Variants in LRRFIP2 observed in about 807,000 individuals in gnomAD.
The protein encoded by LRRFIP2 is leucine-rich repeat flightless-interacting protein 2.
LRRFIP2 carries 109 observed loss-of-function variants against 125.9 expected under a neutral mutation model. That is an observed-to-expected ratio of 0.87 (90% CI 0.74 to 1.01). The LOEUF (loss-of-function observed/expected upper bound fraction) is 1.01, where lower values mean the gene tolerates loss of function less well. LRRFIP2 is among the 50% of genes least tolerant of loss of function. LRRFIP2 has a pLI of 0.00. For synonymous variants in LRRFIP2, 291 were observed against 293.1 expected, an observed-to-expected ratio of 0.99 and a Z score of 0.07; for missense variants, 850 against 862.3, an observed-to-expected ratio of 0.99 and a Z score of 0.18.
rs138707868 is a variant in LRRFIP2, at chr3:37,120,183, G to A, written c.330+1309C>T. 3.4e-3 allele frequency among the ~76,000 whole-genome samples: 498 copies of A among 145,644 alleles called. 1 individual carries two copies. The highest frequency in any genetic ancestry group is 7.9e-3 in the Admixed American group (112 of 14,098). ...AGTGCAATGGCGAATCTTGGCTCAC[G>A]GCAACCTCCGCCTTCCAGGTTCAAG... is the stretch of plus-strand genomic sequence containing the variant. On this transcript the variant is annotated intron_variant, in intron 6 of 27. Coordinates refer to ENST00000336686, the MANE Select transcript of LRRFIP2 (RefSeq NM_006309.4).
intron 1 of LRRFIP2, among the ~76,000 whole-genome samples, chr3:37,152,483 G>T (rs1319215205): frequency 2.0e-5 from 3 of 151,606 alleles, no homozygotes; most frequent in Non-Finnish European, 4.4e-5. Flanking sequence ...GCTCTTTCTT[G>T]CCCAGGCTGG....
At chr3:37,137,509 C>T (rs1480290523) in intron 2 of LRRFIP2, among the ~76,000 whole-genome samples, 1 of 152,146 alleles carries the variant, frequency 6.6e-6, no homozygotes, top group Admixed American at 6.5e-5. Flanking sequence ...GGATTTTCAA[C>T]TTAGCACAGA....
At chr3:37,126,917 A>T (rs1216225827) in intron 4 of LRRFIP2, among the ~76,000 whole-genome samples, 1 of 152,166 alleles carries the variant, frequency 6.6e-6, no homozygotes, top group Non-Finnish European at 1.5e-5. Flanking sequence ...GCAATCAGAC[A>T]GTGGTTCTTA....
intron 9 of LRRFIP2, among the ~76,000 whole-genome samples, chr3:37,110,350 G>A (rs2094505004): frequency 6.6e-6 from 1 of 152,128 alleles, no homozygotes; most frequent in Non-Finnish European, 1.5e-5. Context: ...TACTTTTCAA[G>A]TTTTCACCAA....
intron 1 of LRRFIP2, among the ~76,000 whole-genome samples, chr3:37,165,183 C>T (rs1361381590): frequency 1.3e-5 from 2 of 149,916 alleles, no homozygotes; most frequent in Non-Finnish European, 3.0e-5. Flanking sequence ...TCCAGTGAGC[C>T]GAGACTGCAC....
In LRRFIP2 at chr3:37,113,081, A is replaced by G. The variant is rs927093258; in HGVS notation, c.373-101T>C. The stretch of plus-strand genomic sequence containing the variant: ...TTATATACACAAAGGTCTATATGAG[A>G]TACACAATAGTTTACATGCAATTTA... On this transcript the variant is annotated intron_variant, in intron 7 of 27. Coordinates refer to ENST00000336686, the MANE Select transcript of LRRFIP2 (RefSeq NM_006309.4). 3 of 618,938 alleles carry G rather than the reference A, an allele frequency of 4.8e-6. No homozygotes were observed. In the African/African-American group the frequency reaches 5.4e-5, roughly 11 times the overall value. The allele number at this position is 618,938 out of a possible 1,614,324, so 38.3% of individuals were successfully genotyped here.
At chr3:37,170,262 G>A (rs1435507711) in intron 1 of LRRFIP2, 1 of 152,166 alleles carries the variant, frequency 6.6e-6, no homozygotes, top group South Asian at 2.1e-4. Context: ...AAACAATCTT[G>A]ACCGTAATAC....
intron 4 of LRRFIP2, among the ~76,000 whole-genome samples, chr3:37,123,789 T>C (rs1253097526): frequency 6.6e-6 from 1 of 152,110 alleles, no homozygotes; most frequent in Non-Finnish European, 1.5e-5. Context: ...ATTCCATCTA[T>C]CACACAGAGC....
chr3:37,109,425 T>G (rs918243961), intron 11 of LRRFIP2, 102 bp downstream of exon 11: 1 of 1,258,610 alleles, frequency 7.9e-7, no homozygotes, highest in African/African-American at 1.5e-5. Flanking sequence ...ACTAAAATCA[T>G]GTGTCCTTAA....
At chr3:37,122,113 T>G (rs1329676178) in intron 4 of LRRFIP2, among the ~76,000 whole-genome samples, 4 of 126,456 alleles carry the variant, frequency 3.2e-5, no homozygotes, top group Non-Finnish European at 6.3e-5. Flanking sequence ...TTCCCCTTCC[T>G]GTGTCCAAGT....
chr3:37,133,069 G>A (rs2095470689), intron 2 of LRRFIP2, among the ~76,000 whole-genome samples: 1 of 151,640 alleles, frequency 6.6e-6, no homozygotes, highest in Non-Finnish European at 1.5e-5. Flanking sequence ...ACTAAAAATG[G>A]AAAAAATTAG....
At chr3:37,138,185 T>C (rs964602418) in intron 2 of LRRFIP2, among the ~76,000 whole-genome samples, 4 of 152,220 alleles carry the variant, frequency 2.6e-5, no homozygotes, top group Non-Finnish European at 4.4e-5. Flanking sequence ...TGATGCCCAA[T>C]ACCCAAAGCA....
intron 21 of LRRFIP2, 95 bp from the exon 22 acceptor site, chr3:37,066,420 A>C: frequency 1.1e-6 from 1 of 932,296 alleles, no homozygotes; most frequent in Admixed American, 1.8e-5. Context: ...AGCAAAGATA[A>C]AGGCATAAAA....
At chr3:37,171,247 C>T (rs770262443) in intron 1 of LRRFIP2, among the ~76,000 whole-genome samples, 1 of 152,178 alleles carries the variant, frequency 6.6e-6, no homozygotes, top group Non-Finnish European at 1.5e-5. Flanking sequence ...TCCTTTATAA[C>T]TCCCCCTTCT....
chr3:37,136,798 C>T lies in LRRFIP2; in HGVS notation c.91-7649G>A, dbSNP rs116185175. Among the ~76,000 whole-genome samples the T allele has an allele frequency of 9.3e-3, 1,413 of 152,208 alleles. 27 individuals carry two copies. Among genetic ancestry groups the T allele is most frequent in the African/African-American group, 0.032 (1,320 of 41,528 alleles). On this transcript the variant is annotated intron_variant, in intron 2 of 27. Transcript: ENST00000336686. ...GTAATATATCAGGATCCAATTACAACTGTACTAAATCTTACCTTTGCTCTT... is the reference window on the plus strand; with the variant it reads ...GTAATATATCAGGATCCAATTACAATTGTACTAAATCTTACCTTTGCTCTT...
In LRRFIP2 at chr3:37,121,512, G is replaced by A. The variant is rs767614941; in HGVS notation, c.310C>T (p.Arg104Ter). 16 of 1,613,996 alleles carry A rather than the reference G, an allele frequency of 9.9e-6. No individual in the cohort carries two copies. Among genetic ancestry groups the A allele is most frequent in the Admixed American group, 1.7e-5 (1 of 60,018 alleles). The stretch of plus-strand genomic sequence containing the variant: ...CCAACCCTGTGACTGCCAACACTTC[G>A]AATGGACAATGCATCCTCAACTCCC... The part of the protein sequence containing the change: ...YLGVEDALSI[R>*]SVGSHRYDMF... The change falls in exon 6 of 28, where the codon CGA (arginine) becomes TGA (stop). Residue 104 changes from arginine (R) to a stop codon, truncating the protein, a stop_gained. Transcript: ENST00000336686. LOFTEE classifies it high-confidence loss of function.
chr3:37,067,722 A>G (rs2090417978), intron 21 of LRRFIP2: 1 of 152,200 alleles, frequency 6.6e-6, no homozygotes, highest in Non-Finnish European at 1.5e-5. Flanking sequence ...ACATTATTTT[A>G]CATTTGAAAC....
intron 2 of LRRFIP2, chr3:37,134,622 C>T (rs1186530417): frequency 1.9e-5 from 11 of 588,278 alleles, no homozygotes; most frequent in Non-Finnish European, 6.7e-6. Flanking sequence ...TGAGCACATA[C>T]CGAGAGAGTG....
In LRRFIP2 at chr3:37,054,498, T is replaced by C. The variant is rs1306008602; in HGVS notation, c.1968A>G (p.Gly656=). 1 of 1,613,736 alleles carries C rather than the reference T, an allele frequency of 6.2e-7. No homozygotes were observed. Among genetic ancestry groups the C allele is most frequent in the Admixed American group, 1.7e-5 (1 of 59,982 alleles). ...TLEQSISRLE[G]QVLRYKTAAE... ...CAGCAGTTTTATATCTCAGAACCTG[T>C]CCCTCAAGCCGGCTAATCTGTAAGT... Residue 656 remains glycine (G), a synonymous_variant, in exon 27 of 28, where the codon GGA becomes GGG. Transcript: ENST00000336686.
Sources: gnomAD v4.1 joint callset for allele counts (sites outside exome capture counted in the v4.1 genomes callset) on GRCh38, gnomAD v4.1.1 for gene constraint, MANE v1.5 for transcripts, NCBI Gene and HGNC (gene_info 2026-07-23, HGNC 2026-07-21) for gene names.